ZNF839: variants seen among roughly 807,000 people sequenced by gnomAD.
ZNF839 encodes the protein zinc finger protein 839.
ZNF839 carries 38 observed loss-of-function variants against 56.4 expected under a neutral mutation model. That is an observed-to-expected ratio of 0.67 (90% CI 0.52 to 0.88). The LOEUF is 0.88. Ranked by LOEUF, ZNF839 falls within the 40% of genes least tolerant of loss-of-function variation. The probability of loss-of-function intolerance (pLI) is 0.00; values close to 1 mark genes in which losing one functional copy is unlikely to be tolerated. For missense variants in ZNF839, 1,091 were observed against 1,177.6 expected (o/e 0.93, Z 1.08); for synonymous variants, 486 against 493.5 (o/e 0.98, Z 0.20).
rs750070530 is a variant in ZNF839, at chr14:102,341,406, G to A, written c.2011G>A (p.Val671Met). 18 of 1,576,802 alleles carry A rather than the reference G, an allele frequency of 1.1e-5. No individual in the cohort carries two copies. The Middle Eastern group carries it at 5.1e-4, about 45-fold the overall frequency. Reference protein sequence around the residue: ...TTTVSGGNGSVFQAGPQLQAL... With the variant: ...TTTVSGGNGSMFQAGPQLQAL... Reference sequence around the variant, plus strand: ...GACGGTTTCTGGTGGCAATGGGAGCGTGTTCCAGGCGGGCCCGCAGCTTCA... The same window carrying A: ...GACGGTTTCTGGTGGCAATGGGAGCATGTTCCAGGCGGGCCCGCAGCTTCA... Residue 671 changes from valine to methionine, a missense_variant, in exon 8 of 8, where the codon GTG (valine) becomes ATG (methionine). Val to Met is a conservative substitution (Grantham distance 21, BLOSUM62 1). Coordinates refer to ENST00000442396, the MANE Select transcript of ZNF839 (RefSeq NM_018335.6).
intron 2 of ZNF839, among the ~76,000 whole-genome samples, chr14:102,328,396 A>G (rs1447729878): frequency 9.5e-6 from 1 of 105,820 alleles, no homozygotes; most frequent in African/African-American, 3.6e-5. Flanking sequence ...ATATATATAT[A>G]TATATATATA....
chr14:102,322,722 G>A (rs1248687522), intron 1 of ZNF839, among the ~76,000 whole-genome samples: 3 of 152,040 alleles, frequency 2.0e-5, no homozygotes, highest in Non-Finnish European at 4.4e-5. Context: ...GCACCATCAT[G>A]CCTGGCTAAT....
chr14:102,320,427 A>C (rs540753833), intron 1 of ZNF839, among the ~76,000 whole-genome samples: 11 of 152,328 alleles, frequency 7.2e-5, no homozygotes, highest in African/African-American at 2.6e-4. Flanking sequence ...CACTATGTGC[A>C]GGAGGTGAAG....
chr14:102,319,607 G>A (rs2073006500), upstream of ZNF839: 3 of 1,081,814 alleles, frequency 2.8e-6, no homozygotes, highest in South Asian at 4.8e-5. The surrounding 1 kb of genome is among the most constrained non-coding windows in gnomAD (Gnocchi z 4.5). Flanking sequence ...GGCGGTTGTC[G>A]GCTGGGGCGG....
intron 1 of ZNF839, among the ~76,000 whole-genome samples, chr14:102,324,961 A>G (rs2073332101): frequency 6.6e-6 from 1 of 152,170 alleles, no homozygotes; most frequent in Non-Finnish European, 1.5e-5. Flanking sequence ...AAAGAAAAAG[A>G]AAAACCTCAC....
Position 102,319,843 on chromosome 14 carries a change from G to A in ZNF839, c.78G>A (p.Gln26=). The change falls in exon 1 of 8, where the codon CAG becomes CAA. Residue 26 remains glutamine, a synonymous_variant. Coordinates refer to ENST00000442396, the MANE Select transcript of ZNF839 (RefSeq NM_018335.6). This position sits in a 1 kb window ranked among gnomAD's most constrained non-coding sequence, Gnocchi z 4.5. The part of the protein sequence containing the change: ...GGGGGPAPPG[Q]SGSVARVAPL... ...GCGGCGGCCCGGCTCCTCCGGGCCAGAGCGGCAGCGTCGCACGTGTGGCCC... is the reference window on the plus strand; with the variant it reads ...GCGGCGGCCCGGCTCCTCCGGGCCAAAGCGGCAGCGTCGCACGTGTGGCCC... The A allele has an allele frequency of 8.0e-7, 1 of 1,256,728 alleles. No individual in the cohort carries two copies. The highest frequency in any genetic ancestry group is 1.0e-6 in the Non-Finnish European group (1 of 1,002,418). 77.8% of individuals were successfully genotyped at this position (1,256,728 alleles called of 1,614,324 possible).
At chr14:102,339,876 A>T (rs919101581) in intron 7 of ZNF839, among the ~76,000 whole-genome samples, 1 of 152,188 alleles carries the variant, frequency 6.6e-6, no homozygotes, top group East Asian at 1.9e-4. Context: ...TTCGCTGTAC[A>T]TGCCAGCTGA....
chr14:102,321,460 ACTTATTCGAG>A (rs1346430751), intron 1 of ZNF839, among the ~76,000 whole-genome samples: 1 of 152,200 alleles, frequency 6.6e-6, no homozygotes, highest in Non-Finnish European at 1.5e-5. Flanking sequence ...GCAAAAGCAA[ACTTATTCGAG>A]CTTAGGCAGC....
Position 102,338,824 on chromosome 14 carries a change from G to A in ZNF839, c.1668G>A (p.Glu556=). ...TLEINNDKVA[E]SLGITEFLRK... Reference sequence around the variant, plus strand: ...GGCCCATTTCTTTTCAGGTTGCTGAGTCATTAGGAATCACAGAATTCCTAC... The same window carrying A: ...GGCCCATTTCTTTTCAGGTTGCTGAATCATTAGGAATCACAGAATTCCTAC... The change falls in exon 6 of 8, where the codon GAG becomes GAA. Residue 556 remains glutamate, a synonymous_variant. Coordinates refer to ENST00000442396, the MANE Select transcript of ZNF839 (RefSeq NM_018335.6). 1.2e-6 allele frequency: 2 copies of A among 1,613,932 alleles called. No individual in the cohort carries two copies. The highest frequency in any genetic ancestry group is 4.5e-5 in the East Asian group (2 of 44,878).
rs775426617 is a variant in ZNF839, at chr14:102,341,591, T to C, written c.2196T>C (p.Ser732=). 1.2e-6 allele frequency: 2 copies of C among 1,613,800 alleles called. No individual in the cohort carries two copies. Among genetic ancestry groups the C allele is most frequent in the Non-Finnish European group, 1.7e-6 (2 of 1,179,798 alleles). The change falls in exon 8 of 8, where the codon TCT becomes TCC. Residue 732 remains serine (S), a synonymous_variant. Coordinates refer to ENST00000442396, the MANE Select transcript of ZNF839 (RefSeq NM_018335.6). ...AFPGENALEH[S]SDQDTWDSLR... is the part of the protein sequence containing the mutation. ...CTGGAGAGAATGCTTTGGAACACTC[T>C]TCAGACCAGGACACCTGGGACAGCC...
intron 5 of ZNF839, chr14:102,337,293 T>A (rs1476677444): frequency 6.6e-6 from 1 of 152,182 alleles, no homozygotes; most frequent in Non-Finnish European, 1.5e-5. Flanking sequence ...CTCAGCCTCC[T>A]GAGTAGCTGG....
chr14:102,330,042 G>A lies in ZNF839; in HGVS notation c.1192-1580G>A, dbSNP rs150041148. 3.4e-3 allele frequency among the ~76,000 whole-genome samples: 510 copies of A among 151,824 alleles called. 7 individuals are homozygous for A. Among genetic ancestry groups the A allele is most frequent in the East Asian group, 0.033 (172 of 5,156 alleles). On this transcript the variant is annotated intron_variant, in intron 2 of 7. Transcript: ENST00000442396. ...ACTCCTGACCTCAGGTGATCTGCCCGCCTTGGCCTCCCAAAGTGCTAGGAT... is the reference window on the plus strand; with the variant it reads ...ACTCCTGACCTCAGGTGATCTGCCCACCTTGGCCTCCCAAAGTGCTAGGAT...
upstream of ZNF839, among the ~76,000 whole-genome samples, chr14:102,318,338 A>G (rs1303175663): frequency 6.6e-6 from 1 of 152,178 alleles, no homozygotes; most frequent in East Asian, 1.9e-4. Context: ...AGGCATGTGA[A>G]TTCCTGAAAT....
chr14:102,327,758 C>T (rs1043865006), intron 2 of ZNF839, among the ~76,000 whole-genome samples: 6 of 152,206 alleles, frequency 3.9e-5, no homozygotes, highest in Non-Finnish European at 8.8e-5. Flanking sequence ...GTCTGCACTG[C>T]TGCCAAACAG....
rs2073796395 is a variant in ZNF839 at position 102,331,783 on chromosome 14, A to G, written c.1353A>G (p.Leu451=). The G allele has an allele frequency of 6.3e-7, 1 of 1,598,184 alleles. No individual in the cohort carries two copies. Among genetic ancestry groups the G allele is most frequent in the Admixed American group, 1.7e-5 (1 of 57,240 alleles). Residue 451 remains leucine, a synonymous_variant, in exon 3 of 8, where the codon CTA becomes CTG. Transcript: ENST00000442396. ...TCCAGCAGAGAAGAGCTGCTCAGCT[A>G]CCTGGTGGCCCTGCTGCGGCAGGGG... The part of the protein sequence containing the change: ...AVLQQRRAAQ[L]PGGPAAAGEQ...
rs766449052 is a variant in ZNF839 at position 102,338,804 on chromosome 14, ATTTCT to A, written c.1660-7_1660-3del. The A allele has an allele frequency of 1.4e-5, 23 of 1,613,724 alleles. No individual in the cohort carries two copies. Among genetic ancestry groups the A allele is most frequent in the Non-Finnish European group, 1.9e-5 (23 of 1,179,846 alleles). On this transcript the variant is annotated splice_polypyrimidine_tract_variant and splice_region_variant and intron_variant, in intron 5 of 7. Transcript: ENST00000442396. ...TGGGTGAAGTTTATTCTCTTGGCCC[ATTTCT>A]TTTCAGGTTGCTGAGTCATTAGGAA...
At chr14:102,338,714 A>G in intron 5 of ZNF839, 102 bp from the exon 6 acceptor site, 1 of 1,523,772 alleles carries the variant, frequency 6.6e-7, no homozygotes, top group South Asian at 1.2e-5. Flanking sequence ...GGAACTTTGT[A>G]GATTTAATTC....
intron 7 of ZNF839, among the ~76,000 whole-genome samples, chr14:102,340,916 A>C (rs7151376): frequency 0.016 from 2,412 of 152,064 alleles, 25 homozygotes; most frequent in Middle Eastern, 0.027. Context: ...CTAAAAATAC[A>C]AAAATTAGCT....
chr14:102,339,633 A>G (rs1313178008), intron 7 of ZNF839, among the ~76,000 whole-genome samples: 7 of 152,124 alleles, frequency 4.6e-5, no homozygotes, highest in Non-Finnish European at 1.0e-4. Flanking sequence ...CTGTAATCCC[A>G]GCTACTTCGG....
Sources: allele counts gnomAD v4.1 joint callset (sites outside exome capture counted in the v4.1 genomes callset), GRCh38; gene constraint gnomAD v4.1.1; non-coding constraint Gnocchi (gnomAD v3.1); transcripts MANE v1.5; gene names NCBI Gene and HGNC (gene_info 2026-07-23, HGNC 2026-07-21).